Variants in CTNNA3 observed in about 807,000 individuals in gnomAD.
CTNNA3 encodes catenin alpha-3.
A neutral mutation model predicts 95.7 loss-of-function variants in CTNNA3; 76 were observed. The observed-to-expected ratio is 0.79, with a 90% CI of 0.66 to 0.96. The LOEUF (loss-of-function observed/expected upper bound fraction) is 0.96. Ranked by LOEUF, CTNNA3 falls within the 40% of genes least tolerant of loss-of-function variation. The pLI, the probability that CTNNA3 is intolerant of heterozygous loss-of-function variation, is 0.00. For synonymous variants in CTNNA3, 431 were observed against 374.4 expected, an observed-to-expected ratio of 1.15 and a Z score of -1.74; for missense variants, 1,191 against 1,089.8, an observed-to-expected ratio of 1.09 and a Z score of -1.31.
In CTNNA3 at chr10:66,280,635, G is replaced by T; in HGVS notation, c.1733-14C>A. On this transcript the variant is annotated splice_polypyrimidine_tract_variant and intron_variant, in intron 12 of 17. Coordinates refer to ENST00000433211, the MANE Select transcript of CTNNA3 (RefSeq NM_013266.4). ...ATTCAGGAATTACTGTTAAAATAAA[G>T]AATAAGGAGAAGATTGTCCTCTTTG... 1.3e-6 allele frequency: 2 copies of T among 1,591,284 alleles called. No homozygotes were observed. The highest frequency in any genetic ancestry group is 1.7e-6 in the Non-Finnish European group (2 of 1,169,774).
chr10:67,113,089 T>C (rs549095039), intron 7 of CTNNA3, among the ~76,000 whole-genome samples: 3 of 152,300 alleles, frequency 2.0e-5, no homozygotes, highest in South Asian at 4.1e-4. Flanking sequence ...AGCTTTCTCC[T>C]TTGTAAATAC....
intron 11 of CTNNA3, among the ~76,000 whole-genome samples, chr10:66,411,209 T>C (rs1271132000): frequency 6.6e-6 from 1 of 152,182 alleles, no homozygotes; most frequent in Non-Finnish European, 1.5e-5. Flanking sequence ...TCACATTTTT[T>C]CCTCACATCT....
intron 6 of CTNNA3, among the ~76,000 whole-genome samples, chr10:67,182,272 G>A (rs562832418): frequency 9.2e-5 from 14 of 152,206 alleles, no homozygotes; most frequent in Admixed American, 2.6e-4. Flanking sequence ...GAGGCATCAC[G>A]CTACCTGACT....
At chr10:67,642,371 A>T (rs182920715) in intron 2 of CTNNA3, among the ~76,000 whole-genome samples, 1 of 152,248 alleles carries the variant, frequency 6.6e-6, no homozygotes, top group East Asian at 1.9e-4. Context: ...TGGGCAAAAG[A>T]CATGAACAGA....
intron 5 of CTNNA3, among the ~76,000 whole-genome samples, chr10:67,408,490 A>G (rs1845233684): frequency 6.6e-6 from 1 of 152,182 alleles, no homozygotes; most frequent in Admixed American, 6.5e-5. Flanking sequence ...TGGGGAAAGG[A>G]TTCCCTATTT....
At chr10:67,365,075 T>C (rs1422536063) in intron 5 of CTNNA3, among the ~76,000 whole-genome samples, 3 of 151,880 alleles carry the variant, frequency 2.0e-5, no homozygotes, top group Non-Finnish European at 4.4e-5. Context: ...ATACCACACA[T>C]CTACAACTAT....
intron 7 of CTNNA3, among the ~76,000 whole-genome samples, chr10:67,016,889 G>A (rs979081349): frequency 5.9e-5 from 9 of 152,192 alleles, no homozygotes; most frequent in Non-Finnish European, 7.4e-5. Flanking sequence ...GGAATGATAC[G>A]AATATTTTAT....
At chr10:66,892,730 T>G (rs895201078) in intron 7 of CTNNA3, among the ~76,000 whole-genome samples, 1 of 152,114 alleles carries the variant, frequency 6.6e-6, no homozygotes, top group Non-Finnish European at 1.5e-5. Context: ...CACTGCAACT[T>G]GAAATTCAAA....
intron 7 of CTNNA3, among the ~76,000 whole-genome samples, chr10:67,020,376 C>A (rs1305683564): frequency 6.6e-6 from 1 of 152,024 alleles, no homozygotes; most frequent in Non-Finnish European, 1.5e-5. Flanking sequence ...ATAATATGTC[C>A]CTTCTGAGCT....
chr10:66,384,185 C>T (rs56056242), intron 11 of CTNNA3, among the ~76,000 whole-genome samples: 11,575 of 152,060 alleles, frequency 0.076, 565 homozygotes, highest in East Asian at 0.22. Flanking sequence ...CGTAAGTGTG[C>T]TGTATTCAGG....
intron 9 of CTNNA3, among the ~76,000 whole-genome samples, chr10:66,663,206 A>G (rs1459704172): frequency 6.6e-6 from 1 of 151,984 alleles, no homozygotes; most frequent in Non-Finnish European, 1.5e-5. Context: ...CTCCATCTAA[A>G]ACCTCTAATG....
chr10:66,639,473 A>C (rs10997281), intron 9 of CTNNA3, among the ~76,000 whole-genome samples: 5,854 of 152,174 alleles, frequency 0.038, 376 homozygotes, highest in African/African-American at 0.13. Context: ...ATCCAGACAG[A>C]ATGAACTTTA....
rs1221035411 is a variant in CTNNA3 at position 65,962,424 on chromosome 10, T to A, written c.2400+4188A>T. Among the ~76,000 whole-genome samples, 7 of 152,162 alleles carry A rather than the reference T, an allele frequency of 4.6e-5. No individual in the cohort carries two copies. In the East Asian group the frequency reaches 1.4e-3, roughly 29 times the overall value. On this transcript the variant is annotated intron_variant, in intron 17 of 17. Transcript: ENST00000433211. ...TAGGAAATTCTTAATTCTTTCTTCTTTTTCACCCTTAACACCCAATGGATA... is the reference window on the plus strand; with the variant it reads ...TAGGAAATTCTTAATTCTTTCTTCTATTTCACCCTTAACACCCAATGGATA...
At chr10:66,282,151 T>C (rs548418954) in intron 12 of CTNNA3, among the ~76,000 whole-genome samples, 2 of 151,910 alleles carry the variant, frequency 1.3e-5, no homozygotes, top group South Asian at 4.1e-4. Context: ...CACTTTGCAC[T>C]GAGAAACCTT....
At chr10:66,238,677 T>A (rs1259742918) in intron 13 of CTNNA3, among the ~76,000 whole-genome samples, 1 of 66,802 alleles carries the variant, frequency 1.5e-5, no homozygotes, top group African/African-American at 4.1e-5. Context: ...CTAATAAATG[T>A]CCAAATATAT....
chr10:66,375,170 C>T (rs2092786625), intron 12 of CTNNA3, among the ~76,000 whole-genome samples: 1 of 151,598 alleles, frequency 6.6e-6, no homozygotes, highest in South Asian at 2.1e-4. Flanking sequence ...TTGGCATGTC[C>T]CCGCCATTGT....
At chr10:66,493,841 G>C (rs1173211216) in intron 11 of CTNNA3, among the ~76,000 whole-genome samples, 2 of 149,188 alleles carry the variant, frequency 1.3e-5, no homozygotes, top group East Asian at 2.0e-4. Flanking sequence ...TCCTGACCTC[G>C]TGATCCACCC....
In CTNNA3 at chr10:67,470,242, C is replaced by A. The variant is rs550748124; in HGVS notation, c.579+51600G>T. Among the ~76,000 whole-genome samples the A allele has an allele frequency of 3.9e-5, 6 of 152,272 alleles. No homozygotes were observed. The South Asian group carries it at 8.3e-4, about 21-fold the overall frequency. Reference sequence around the variant, plus strand: ...TGGTTTATTTCACTTAACATAATAACCTCCAGTCCCAACCATGTTTTGCAA... The same window carrying A: ...TGGTTTATTTCACTTAACATAATAAACTCCAGTCCCAACCATGTTTTGCAA... On this transcript the variant is annotated intron_variant, in intron 5 of 17. Coordinates refer to ENST00000433211, the MANE Select transcript of CTNNA3 (RefSeq NM_013266.4).
rs559770360 is a variant in CTNNA3, at chr10:67,627,842, A to G, written c.99+19573T>C. Among the ~76,000 whole-genome samples the G allele has an allele frequency of 2.6e-5, 4 of 151,976 alleles. No individual in the cohort carries two copies. In the East Asian group the frequency reaches 7.7e-4, roughly 29 times the overall value. On this transcript the variant is annotated intron_variant, in intron 2 of 17. Coordinates refer to ENST00000433211, the MANE Select transcript of CTNNA3 (RefSeq NM_013266.4). The stretch of plus-strand genomic sequence containing the variant: ...ACTAGGGTTACTAAGAGTTACTATT[A>G]TAATTAGTATATAATTAAAACTACT...
Sources: allele counts gnomAD v4.1 joint callset (sites outside exome capture counted in the v4.1 genomes callset), GRCh38; gene constraint gnomAD v4.1.1; transcripts MANE v1.5; gene names NCBI Gene and HGNC (gene_info 2026-07-23, HGNC 2026-07-21).